Variants in CREB5 observed in about 807,000 individuals in gnomAD.
CREB5 encodes cAMP responsive element binding protein 5.
In CREB5, 19 loss-of-function variants were observed where a neutral mutation model predicts 57.1. The ratio of observed to expected loss-of-function variants is 0.33; its 90% confidence interval spans 0.23 to 0.49. The LOEUF (loss-of-function observed/expected upper bound fraction) is 0.49. Ranked by LOEUF, CREB5 falls within the 20% of genes least tolerant of loss-of-function variation. CREB5 has a pLI of 0.99. For synonymous variants in CREB5, 238 were observed against 238.3 expected (o/e 1.00, Z 0.01); for missense variants, 579 against 671.6 (o/e 0.86, Z 1.52).
chr7:28,616,799 T>A (rs1797612226), intron 5 of CREB5, among the ~76,000 whole-genome samples: 1 of 152,224 alleles, frequency 6.6e-6, no homozygotes, highest in Non-Finnish European at 1.5e-5. Flanking sequence ...AAAAAACAAG[T>A]CCATGTTAGG....
chr7:28,796,141 AT>A lies in CREB5; in HGVS notation c.703-8054del, dbSNP rs1010488955. Among the ~76,000 whole-genome samples, 24 of 152,104 alleles carry A rather than the reference AT, an allele frequency of 1.6e-4. 1 individual carries two copies. The highest frequency in any genetic ancestry group is 3.9e-4 in the Admixed American group (6 of 15,274). On this transcript the variant is annotated intron_variant, in intron 7 of 10. Transcript: ENST00000357727. ...TATCATCTTTGTCTAGTTCCATAAT[AT>A]TTTCATTATCTCAAAAGGAAACCCT...
chr7:28,792,859 A>T (rs1807802391), intron 7 of CREB5, among the ~76,000 whole-genome samples: 1 of 152,146 alleles, frequency 6.6e-6, no homozygotes. Flanking sequence ...GTGTGCTCAG[A>T]GCCCAGGGGC....
intron 4 of CREB5, among the ~76,000 whole-genome samples, chr7:28,511,928 G>T (rs1792717941): frequency 6.6e-6 from 1 of 152,252 alleles, no homozygotes; most frequent in South Asian, 2.1e-4. Context: ...ATTTAGATTA[G>T]AGATGATAGC....
At chr7:28,637,108 C>G (rs191273719) in intron 5 of CREB5, among the ~76,000 whole-genome samples, 1 of 151,904 alleles carries the variant, frequency 6.6e-6, no homozygotes, top group African/African-American at 2.4e-5. Flanking sequence ...GAGCCATGAT[C>G]GTGCCACTGT....
intron 7 of CREB5, among the ~76,000 whole-genome samples, chr7:28,763,085 G>A (rs149323497): frequency 1.1e-3 from 163 of 152,256 alleles, no homozygotes; most frequent in African/African-American, 3.8e-3. Flanking sequence ...TATAACTTGT[G>A]CATCTTGTTG....
At position 28,820,339 on chromosome 7, in the gene CREB5, A is replaced by T. The variant is rs181756063; in HGVS notation, c.*1060A>T. 4.6e-5 allele frequency: 7 copies of T among 152,566 alleles called. No individual in the cohort carries two copies. The highest frequency in any genetic ancestry group is 1.7e-4 in the African/African-American group (7 of 41,410). 9.5% of individuals were successfully genotyped at this position (152,566 alleles called of 1,614,324 possible). The stretch of plus-strand genomic sequence containing the variant: ...ATAACGTTGAAAATCCATGTACTAC[A>T]TAATAATTCAGAAGGGCTCTATTCA... On this transcript the variant is annotated 3_prime_UTR_variant, in exon 11 of 11. Transcript: ENST00000357727.
At chr7:28,813,633 A>C (rs900160642) in intron 9 of CREB5, among the ~76,000 whole-genome samples, 1 of 152,232 alleles carries the variant, frequency 6.6e-6, no homozygotes, top group African/African-American at 2.4e-5. Flanking sequence ...ACTACTGCTT[A>C]CACCAAAAAG....
intron 1 of CREB5, among the ~76,000 whole-genome samples, chr7:28,471,171 T>C (rs978912768): frequency 6.6e-6 from 1 of 152,190 alleles, no homozygotes; most frequent in Admixed American, 6.5e-5. Flanking sequence ...GGAGAGTTTT[T>C]CCAATGTTTT....
intron 1 of CREB5, among the ~76,000 whole-genome samples, chr7:28,367,505 T>C (rs116536981): frequency 6.6e-6 from 1 of 152,296 alleles, no homozygotes; most frequent in African/African-American, 2.4e-5. Flanking sequence ...GCTCCATCAG[T>C]GCTACCTTTA....
rs114931992 is a variant in CREB5 at position 28,625,040 on chromosome 7, T to G, written c.464+54503T>G. On this transcript the variant is annotated intron_variant, in intron 5 of 10. Coordinates refer to ENST00000357727, the MANE Select transcript of CREB5 (RefSeq NM_182898.4). ...TTGGTGAGGATTTAAAAATACAGAGTAAGATAAAAGATTTCATAAGCAGCA... is the reference window on the plus strand; with the variant it reads ...TTGGTGAGGATTTAAAAATACAGAGGAAGATAAAAGATTTCATAAGCAGCA... 7.6e-3 allele frequency among the ~76,000 whole-genome samples: 1,095 copies of G among 144,252 alleles called. 14 individuals carry two copies. Among genetic ancestry groups the G allele is most frequent in the African/African-American group, 0.027 (1,058 of 38,684 alleles). The allele number at this position is 144,252 out of a possible 152,430, so 94.6% of individuals were successfully genotyped here.
intron 1 of CREB5, among the ~76,000 whole-genome samples, chr7:28,423,702 C>T (rs1227521905): frequency 6.6e-6 from 1 of 152,164 alleles, no homozygotes; most frequent in African/African-American, 2.4e-5. Context: ...AGGCTTGTGT[C>T]TGCATCCTGA....
rs181930418 is a variant in CREB5 at position 28,673,022 on chromosome 7, C to T, written c.465-45731C>T. The stretch of plus-strand genomic sequence containing the variant: ...CGCCCCATACCTTACCTCTACTGCC[C>T]TTTTCTAAGTCAGTGTAGGCCATCT... On this transcript the variant is annotated intron_variant, in intron 5 of 10. Transcript: ENST00000357727. Among the ~76,000 whole-genome samples, 430 of 152,238 alleles carry T rather than the reference C, an allele frequency of 2.8e-3. 4 individuals are homozygous for T. Among genetic ancestry groups the T allele is most frequent in the African/African-American group, 9.3e-3 (385 of 41,526 alleles).
chr7:28,595,542 A>G (rs1413481019), intron 5 of CREB5, among the ~76,000 whole-genome samples: 10 of 152,304 alleles, frequency 6.6e-5, no homozygotes, highest in Admixed American at 2.6e-4. Flanking sequence ...TTCCATTTCT[A>G]TCTCACAGTT....
At chr7:28,807,756 G>A (rs369416820) in intron 8 of CREB5, among the ~76,000 whole-genome samples, 8 of 151,788 alleles carry the variant, frequency 5.3e-5, no homozygotes, top group Non-Finnish European at 1.0e-4. Flanking sequence ...AGGTATTACC[G>A]TCATAAACCT....
At chr7:28,438,640 T>C (rs573755987) in intron 1 of CREB5, among the ~76,000 whole-genome samples, 4 of 152,324 alleles carry the variant, frequency 2.6e-5, no homozygotes, top group Admixed American at 6.5e-5. Context: ...TGTGAAGCTT[T>C]CTTGTGTGTG....
At chr7:28,410,421 T>C, upstream of CREB5, 1 of 456,746 alleles carries the variant, frequency 2.2e-6, no homozygotes, top group Non-Finnish European at 4.4e-6. Flanking sequence ...CAGAATCACT[T>C]GAACTTTTCA....
intron 1 of CREB5, among the ~76,000 whole-genome samples, chr7:28,342,270 C>T (rs1013841458): frequency 2.0e-5 from 3 of 152,248 alleles, no homozygotes; most frequent in African/African-American, 7.2e-5. Flanking sequence ...GGCTATCATC[C>T]TTGGTCACGG....
chr7:28,734,376 T>C (rs1167670572), intron 7 of CREB5, among the ~76,000 whole-genome samples: 1 of 152,154 alleles, frequency 6.6e-6, no homozygotes, highest in Non-Finnish European at 1.5e-5. Context: ...TCTGTTCATA[T>C]AAGTAATACA....
intron 5 of CREB5, among the ~76,000 whole-genome samples, chr7:28,633,611 A>T (rs1402983217): frequency 1.3e-5 from 2 of 152,168 alleles, no homozygotes; most frequent in Non-Finnish European, 2.9e-5. Context: ...GCTGAGAATG[A>T]TGAGTTGTGG....
Sources: allele counts gnomAD v4.1 joint callset (sites outside exome capture counted in the v4.1 genomes callset), GRCh38; gene constraint gnomAD v4.1.1; transcripts MANE v1.5; gene names NCBI Gene and HGNC (gene_info 2026-07-23, HGNC 2026-07-21).